The following PHAX variants were observed in gnomAD, a reference collection of about 807,000 sequenced individuals.
PHAX encodes phosphorylated adapter RNA export protein.
PHAX carries 31 observed loss-of-function variants against 41.6 expected under a neutral mutation model. The observed-to-expected ratio is 0.75, with a 90% CI of 0.56 to 1.01. PHAX has a LOEUF of 1.01. Among genes scored for constraint, PHAX ranks in the 50% least tolerant of loss-of-function variants. The pLI, the probability that PHAX is intolerant of heterozygous loss-of-function variation, is 0.00. For missense variants in PHAX, 453 were observed against 472.9 expected (o/e 0.96, Z 0.39); for synonymous variants, 175 against 164.9 (o/e 1.06, Z -0.47).
chr5:126,618,024 G>A (rs1752215167), intron 4 of PHAX, among the ~76,000 whole-genome samples: 1 of 152,066 alleles, frequency 6.6e-6, no homozygotes, highest in African/African-American at 2.4e-5. Context: ...CGCAATTTCT[G>A]TTCACTGCAG....
intron 3 of PHAX, among the ~76,000 whole-genome samples, chr5:126,616,871 A>G (rs1389325103): frequency 7.1e-6 from 1 of 140,884 alleles, no homozygotes; most frequent in African/African-American, 2.8e-5. Flanking sequence ...AAAGAGTGAA[A>G]CTCCATCTCA....
Position 126,601,028 on chromosome 5 carries a change from C to T in PHAX, c.66C>T (p.Val22=). Residue 22 remains valine (V), a synonymous_variant, in exon 1 of 5, where the codon GTC becomes GTT. Transcript: ENST00000297540. ...QLSDSDSDMT[V]APSDRPLQLP... is the part of the protein sequence containing the mutation. ...CCGACTCGGATTCCGACATGACGGT[C>T]GCACCCAGCGACAGGCCGCTGCAAT... is the stretch of plus-strand genomic sequence containing the variant. 1 of 1,606,194 alleles carries T rather than the reference C, an allele frequency of 6.2e-7. No homozygotes were observed. The highest frequency in any genetic ancestry group is 8.5e-7 in the Non-Finnish European group (1 of 1,176,626).
chr5:126,612,486 G>T (rs1449710437), intron 3 of PHAX, among the ~76,000 whole-genome samples: 4 of 152,120 alleles, frequency 2.6e-5, no homozygotes, highest in African/African-American at 9.7e-5. Flanking sequence ...GATCACCTGA[G>T]GTCAGGAGTT....
intron 4 of PHAX, among the ~76,000 whole-genome samples, chr5:126,619,955 A>G (rs1470562447): frequency 1.3e-5 from 2 of 152,188 alleles, no homozygotes; most frequent in African/African-American, 4.8e-5. Context: ...TATGATAACA[A>G]TGGTGATAAA....
chr5:126,615,293 C>T (rs1752166387), intron 3 of PHAX, among the ~76,000 whole-genome samples: 1 of 152,076 alleles, frequency 6.6e-6, no homozygotes, highest in South Asian at 2.1e-4. Flanking sequence ...TCAAATTTGC[C>T]TACCTGGTAA....
At chr5:126,604,377 AC>A (rs954945038) in intron 2 of PHAX, among the ~76,000 whole-genome samples, 194 bp downstream of exon 2, 3 of 137,400 alleles carry the variant, frequency 2.2e-5, no homozygotes, top group African/African-American at 8.4e-5. Context: ...GGATTCTCTT[AC>A]CTCAGCCTCC....
intron 2 of PHAX, among the ~76,000 whole-genome samples, chr5:126,604,617 G>A (rs1192803492): frequency 6.6e-6 from 1 of 152,042 alleles, no homozygotes; most frequent in African/African-American, 2.4e-5. Context: ...TGCCCAGGCT[G>A]GAGTGCAGTG....
At chr5:126,605,526 A>T (rs1337922726) in intron 2 of PHAX, among the ~76,000 whole-genome samples, 1 of 151,746 alleles carries the variant, frequency 6.6e-6, no homozygotes, top group Non-Finnish European at 1.5e-5. Context: ...AGTAGCTGGG[A>T]CTATAGGCAT....
chr5:126,618,060 C>T (rs1291682240), intron 4 of PHAX, among the ~76,000 whole-genome samples: 2 of 151,916 alleles, frequency 1.3e-5, no homozygotes, highest in African/African-American at 4.8e-5. Context: ...CTCAAGTAGT[C>T]CTCCCACCTC....
chr5:126,613,120 G>A (rs567471738), intron 3 of PHAX, among the ~76,000 whole-genome samples: 3 of 152,276 alleles, frequency 2.0e-5, no homozygotes, highest in South Asian at 2.1e-4. Flanking sequence ...AGGCTGAGAC[G>A]GGCATATCAC....
chr5:126,606,875 T>G lies in PHAX; in HGVS notation c.711-1489T>G, dbSNP rs192996074. Among the ~76,000 whole-genome samples the G allele has an allele frequency of 2.5e-4, 38 of 152,250 alleles. No homozygotes were observed. The East Asian group carries it at 7.3e-3, about 29-fold the overall frequency. On this transcript the variant is annotated intron_variant, in intron 2 of 4. Transcript: ENST00000297540. ...TTTCACCTTGTTGACCAGGCTGGTCTCAAACTTCTAACCTCAGATGATCCA... is the reference window on the plus strand; with the variant it reads ...TTTCACCTTGTTGACCAGGCTGGTCGCAAACTTCTAACCTCAGATGATCCA...
At chr5:126,601,910 G>T (rs1751909709) in intron 1 of PHAX, among the ~76,000 whole-genome samples, 1 of 152,026 alleles carries the variant, frequency 6.6e-6, no homozygotes, top group African/African-American at 2.4e-5. Context: ...CAAGTGATCG[G>T]CCTGCCTCGG....
In PHAX at chr5:126,625,122, A is replaced by C; in HGVS notation, c.*278A>C. 1 of 321,368 alleles carries C rather than the reference A, an allele frequency of 3.1e-6. No individual in the cohort carries two copies. The highest frequency in any genetic ancestry group is 5.6e-6 in the Non-Finnish European group (1 of 177,562). 19.9% of individuals were successfully genotyped at this position (321,368 alleles called of 1,614,324 possible). On this transcript the variant is annotated 3_prime_UTR_variant, in exon 5 of 5. Coordinates refer to ENST00000297540, the MANE Select transcript of PHAX (RefSeq NM_032177.4). ...TACTAGTTGATAATCAGTTTTGTCT[A>C]GGTCATAACATACCATTTGTAAGTT...
At chr5:126,606,218 C>T (rs1751985286) in intron 2 of PHAX, among the ~76,000 whole-genome samples, 1 of 151,904 alleles carries the variant, frequency 6.6e-6, no homozygotes, top group East Asian at 1.9e-4. Context: ...TTGTTTGAGA[C>T]AGAGTGTCAC....
rs370451029 is a variant in PHAX, at chr5:126,603,802, G to A, written c.329G>A (p.Gly110Glu). The change falls in exon 2 of 5, where the codon GGA becomes GAA. Residue 110 changes from glycine to glutamate, a missense_variant. Transcript: ENST00000297540. The part of the protein sequence containing the change: ...GQSSQKPPVA[G>E]GKKINNIWGA... ...AGCAGTCAGAAACCACCTGTTGCTG[G>A]AGGAAAGAAGATTAACAACATATGG... 54 of 1,614,006 alleles carry A rather than the reference G, an allele frequency of 3.3e-5. No individual in the cohort carries two copies. Among genetic ancestry groups the A allele is most frequent in the Non-Finnish European group, 4.4e-5 (52 of 1,180,042 alleles).
At chr5:126,624,040 G>A (rs1374395758) in intron 4 of PHAX, among the ~76,000 whole-genome samples, 2 of 135,654 alleles carry the variant, frequency 1.5e-5, no homozygotes, top group East Asian at 2.1e-4. Context: ...ACACAGTCTC[G>A]CTCTGCTGCC....
intron 3 of PHAX, among the ~76,000 whole-genome samples, chr5:126,609,841 G>A (rs1752053626): frequency 6.6e-6 from 1 of 152,062 alleles, no homozygotes; most frequent in South Asian, 2.1e-4. Flanking sequence ...CCGAGTTCAA[G>A]CAATTCCCCT....
intron 1 of PHAX, 137 bp from the exon 2 acceptor site, chr5:126,603,433 A>C: frequency 6.5e-6 from 6 of 920,932 alleles, no homozygotes. Context: ...AAAAGTAGGA[A>C]CTTGATTGGT....
At chr5:126,617,354 TCTTAAGCGC>T in intron 4 of PHAX, 21 bp downstream of exon 4, 4 of 1,425,640 alleles carry the variant, frequency 2.8e-6, no homozygotes, top group Non-Finnish European at 3.9e-6. Flanking sequence ...TGTCCTCACC[TCTTAAGCGC>T]CATCATAATT....
Sources: allele counts gnomAD v4.1 joint callset (sites outside exome capture counted in the v4.1 genomes callset), GRCh38; gene constraint gnomAD v4.1.1; transcripts MANE v1.5; gene names NCBI Gene and HGNC (gene_info 2026-07-23, HGNC 2026-07-21).